Variants in FTSJ3 observed in about 807,000 individuals in gnomAD.
FTSJ3 encodes the protein pre-rRNA 2'-O-ribose RNA methyltransferase FTSJ3.
In FTSJ3, 46 loss-of-function variants were observed where a neutral mutation model predicts 111.5. The ratio of observed to expected loss-of-function variants is 0.41; its 90% CI spans 0.33 to 0.53. The LOEUF is 0.53. FTSJ3 is among the 20% of genes least tolerant of loss of function. The probability of loss-of-function intolerance (pLI) is 0.19; values close to 1 mark genes in which losing one functional copy is unlikely to be tolerated. For missense variants in FTSJ3, 1,075 were observed against 1,063.8 expected (o/e 1.01, Z -0.15); for synonymous variants, 408 against 383.0 (o/e 1.07, Z -0.76).
At position 63,826,042 on chromosome 17, in the gene FTSJ3, G is replaced by C. The variant is rs770575313; in HGVS notation, c.300+14C>G. 8 of 1,586,958 alleles carry C rather than the reference G, an allele frequency of 5.0e-6. No individual in the cohort carries two copies. In the South Asian group the frequency reaches 5.6e-5, roughly 11 times the overall value. On this transcript the variant is annotated intron_variant, in intron 5 of 20. Transcript: ENST00000427159. ...TCCGTATAAAGGGGGAAGGAAGAGAGAGACTCCTATTACCTGCCTACAACG... is the reference window on the plus strand; with the variant it reads ...TCCGTATAAAGGGGGAAGGAAGAGACAGACTCCTATTACCTGCCTACAACG...
rs563310643 is a variant in FTSJ3 at position 63,819,765 on chromosome 17, T to A, written c.*37A>T. 1 of 1,577,338 alleles carries A rather than the reference T, an allele frequency of 6.3e-7. No homozygotes were observed. The highest frequency in any genetic ancestry group is 1.2e-5 in the South Asian group (1 of 86,008). On this transcript the variant is annotated 3_prime_UTR_variant, in exon 21 of 21. Coordinates refer to ENST00000427159, the MANE Select transcript of FTSJ3 (RefSeq NM_017647.4). ...CTGAGCCATGCCACACCCTTCCTCC[T>A]AGTCCCCATGCTCTCCTGGGAGCCT...
In FTSJ3 at chr17:63,821,723, C is replaced by G. The variant is rs1237101186; in HGVS notation, c.1596G>C (p.Lys532Asn). 1 of 1,614,114 alleles carries G rather than the reference C, an allele frequency of 6.2e-7. No individual in the cohort carries two copies. Among genetic ancestry groups the G allele is most frequent in the Non-Finnish European group, 8.5e-7 (1 of 1,180,046 alleles). Residue 532 changes from lysine to asparagine, a missense_variant and splice_region_variant, in exon 15 of 21, where the codon AAG becomes AAC. This residue lies in a region of FTSJ3 where 867 missense variants were observed against 796.9 expected (regional missense o/e 1.09). Coordinates refer to ENST00000427159, the MANE Select transcript of FTSJ3 (RefSeq NM_017647.4). ...AGTCTTGCCCCCGGCCTCTCCTTACCTTTGAGAACCACAGGTTGGCTTGTT... is the reference window on the plus strand; with the variant it reads ...AGTCTTGCCCCCGGCCTCTCCTTACGTTTGAGAACCACAGGTTGGCTTGTT... ...QEEQANLWFS[K>N]GSFAGIEDDA...
intron 7 of FTSJ3, 21 bp downstream of exon 7, chr17:63,825,221 G>A (rs1567754012): frequency 1.2e-6 from 2 of 1,614,078 alleles, no homozygotes; most frequent in East Asian, 4.5e-5. Flanking sequence ...CCTGGATCAA[G>A]AGAAAGGAAA....
chr17:63,820,281 C>G lies in FTSJ3; in HGVS notation c.2230G>C (p.Glu744Gln). Residue 744 changes from glutamate to glutamine, a missense_variant, in exon 19 of 21, where the codon GAG becomes CAG. By Grantham distance (29) the Glu-to-Gln change is conservative (BLOSUM62 2). Coordinates refer to ENST00000427159, the MANE Select transcript of FTSJ3 (RefSeq NM_017647.4). ...CTCCTTTTCTTTCTAGCCTTAGCCT[C>G]AGCCACCTTCTTGATGGGACGTGCA... ...INARPIKKVA[E>Q]AKARKKRRML... is the part of the protein sequence containing the mutation. 6.2e-7 allele frequency: 1 copy of G among 1,607,450 alleles called. No individual in the cohort carries two copies. The highest frequency in any genetic ancestry group is 8.5e-7 in the Non-Finnish European group (1 of 1,176,974).
Position 63,822,058 on chromosome 17 carries a change from T to G in FTSJ3, c.1401A>C (p.Thr467=), listed in dbSNP as rs2040056972. The G allele has an allele frequency of 6.2e-7, 1 of 1,614,218 alleles. No homozygotes were observed. The change falls in exon 14 of 21, where the codon ACA becomes ACC. Residue 467 remains threonine (T), a synonymous_variant. Transcript: ENST00000427159. The part of the protein sequence containing the change: ...VSDVEDDGDD[T]SLDSDLDPEE... Reference sequence around the variant, plus strand: ...CTGGATCCAGGTCACTATCCAGAGATGTGTCATCACCGTCGTCCTCAACAT... The same window carrying G: ...CTGGATCCAGGTCACTATCCAGAGAGGTGTCATCACCGTCGTCCTCAACAT...
chr17:63,824,682 C>T lies in FTSJ3; in HGVS notation c.872G>A (p.Arg291Gln), dbSNP rs143751811. 83 of 1,614,186 alleles carry T rather than the reference C, an allele frequency of 5.1e-5. No homozygotes were observed. The African/African-American group carries it at 8.7e-4, about 17-fold the overall frequency. The change falls in exon 10 of 21, where the codon CGG becomes CAG. Residue 291 changes from arginine (R) to glutamine (Q), a missense_variant. By Grantham distance (43) the Arg-to-Gln change is conservative. Transcript: ENST00000427159. ...AQHPATTEDI[R>Q]VCCQDIRVLG... is the part of the protein sequence containing the mutation. ...CACTCTGATGTCCTGACAGCACACC[C>T]GTATGTCCTCAGTGGTAGCTGGATG...
rs1240949270 is a variant in FTSJ3, at chr17:63,821,477, T to G, written c.1763A>C (p.Gln588Pro). ...CTCTGTTCCCTTAGGGGCTTCATCT[T>G]GGTACAGGGGAGACATTATCTCAGT... The part of the protein sequence containing the change: ...LKTEIMSPLY[Q>P]DEAPKGTEAS... The change falls in exon 16 of 21, where the codon CAA becomes CCA. Residue 588 changes from glutamine to proline, a missense_variant. Gln to Pro is a moderately conservative substitution (Grantham distance 76, BLOSUM62 -1). Coordinates refer to ENST00000427159, the MANE Select transcript of FTSJ3 (RefSeq NM_017647.4). 2.5e-6 allele frequency: 4 copies of G among 1,614,198 alleles called. No homozygotes were observed. Among genetic ancestry groups the G allele is most frequent in the Non-Finnish European group, 3.4e-6 (4 of 1,180,040 alleles).
rs763952348 is a variant in FTSJ3 at position 63,821,863 on chromosome 17, T to G, written c.1476-20A>C. 4 of 1,613,920 alleles carry G rather than the reference T, an allele frequency of 2.5e-6. No individual in the cohort carries two copies. The highest frequency in any genetic ancestry group is 3.4e-6 in the Non-Finnish European group (4 of 1,180,026). ...CGCATACTGTAGACCCAAAGGAAAG[T>G]AGGGGGCTCAGAGACCCAGATTGCC... On this transcript the variant is annotated intron_variant, in intron 14 of 20. Transcript: ENST00000427159.
At chr17:63,824,991 G>A in intron 8 of FTSJ3, 57 bp downstream of exon 8, 2 of 1,588,274 alleles carry the variant, frequency 1.3e-6, no homozygotes, top group Non-Finnish European at 1.7e-6. Context: ...GGACCCACCA[G>A]GCCCAACCTC....
At chr17:63,826,345 T>C (rs2040103557) in intron 3 of FTSJ3, 41 bp from the exon 4 acceptor site, 5 of 1,595,020 alleles carry the variant, frequency 3.1e-6, no homozygotes, top group South Asian at 2.2e-5. Flanking sequence ...GAGCCATCCT[T>C]TTCCCCCTCT....
rs2040034022 is a variant in FTSJ3, at chr17:63,820,142, T to A, written c.2288A>T (p.Lys763Met). Residue 763 changes from lysine (K) to methionine (M), a missense_variant, in exon 20 of 21, where the codon AAG becomes ATG. This residue lies in a region of FTSJ3 where 867 missense variants were observed against 796.9 expected (regional missense o/e 1.09). Transcript: ENST00000427159. The part of the protein sequence containing the change: ...MLKRLEQTRK[K>M]AEAVVNTVDI... ...CACTGTGTTCACCACGGCTTCTGCC[T>A]TCTTCCTGGTCTGCTCCAGCCTCTT... is the stretch of plus-strand genomic sequence containing the variant. The A allele has an allele frequency of 6.2e-7, 1 of 1,614,196 alleles. No individual in the cohort carries two copies. The highest frequency in any genetic ancestry group is 1.3e-5 in the African/African-American group (1 of 75,042).
chr17:63,825,090 C>T lies in FTSJ3; in HGVS notation c.669G>A (p.Gln223=), dbSNP rs748463151. The T allele has an allele frequency of 5.6e-6, 9 of 1,614,188 alleles. No individual in the cohort carries two copies. The South Asian group carries it at 9.9e-5, about 18-fold the overall frequency. ...PKFAFKEVEV[Q]AKTVTELVTK... ...TAACCAATTCAGTAACGGTCTTAGC[C>T]TGAACTTCAACCTCCTTAAAGGCAA... Residue 223 remains glutamine, a synonymous_variant, in exon 8 of 21, where the codon CAG becomes CAA. Transcript: ENST00000427159.
At chr17:63,824,612 C>T (rs1438490212) in intron 10 of FTSJ3, 25 bp downstream of exon 10, 1 of 1,579,994 alleles carries the variant, frequency 6.3e-7, no homozygotes, top group South Asian at 1.1e-5. Flanking sequence ...GGGCTCCTGG[C>T]CCCCGTGCCT....
Position 63,821,795 on chromosome 17 carries a change from C to G in FTSJ3, c.1524G>C (p.Glu508Asp), listed in dbSNP as rs756734364. Residue 508 changes from glutamate to aspartate, a missense_variant, in exon 15 of 21, where the codon GAG becomes GAC. Physicochemically the swap from Glu to Asp is conservative, Grantham distance 45. Transcript: ENST00000427159. ...VQDDKEEEEE[E>D]NPLLVPLEEK... ...CCTCCAGTGGTACCAGCAGTGGATT[C>G]TCCTCCTCCTCCTCCTCTTTATCAT... The G allele has an allele frequency of 6.2e-7, 1 of 1,604,864 alleles. No homozygotes were observed. The highest frequency in any genetic ancestry group is 8.5e-7 in the Non-Finnish European group (1 of 1,172,328).
Position 63,819,780 on chromosome 17 carries a change from C to A in FTSJ3, c.*22G>T. On this transcript the variant is annotated 3_prime_UTR_variant, in exon 21 of 21. Coordinates refer to ENST00000427159, the MANE Select transcript of FTSJ3 (RefSeq NM_017647.4). ...CCCTTCCTCCTAGTCCCCATGCTCT[C>A]CTGGGAGCCTGGCAGCTCTGCTTAC... 1.3e-6 allele frequency: 2 copies of A among 1,599,528 alleles called. No homozygotes were observed. Among genetic ancestry groups the A allele is most frequent in the Non-Finnish European group, 1.7e-6 (2 of 1,171,944 alleles).
rs1245839639 is a variant in FTSJ3, at chr17:63,825,739, G to A, written c.301-104C>T. 8.8e-6 allele frequency: 8 copies of A among 908,916 alleles called. No individual in the cohort carries two copies. In the Admixed American group the frequency reaches 1.2e-4, roughly 14 times the overall value. The allele number at this position is 908,916 out of a possible 1,614,324, so 56.3% of individuals were successfully genotyped here. On this transcript the variant is annotated intron_variant, in intron 5 of 20. Coordinates refer to ENST00000427159, the MANE Select transcript of FTSJ3 (RefSeq NM_017647.4). ...GCTGAGTGCCCATCATGGGCCAAAT[G>A]CAGTACCAGGCACAGGAGATACAAT...
chr17:63,822,683 G>C (rs1174043995), intron 13 of FTSJ3, among the ~76,000 whole-genome samples: 1 of 152,152 alleles, frequency 6.6e-6, no homozygotes, highest in Non-Finnish European at 1.5e-5. Flanking sequence ...TCAGCATTTT[G>C]GGAGGCTGAG....
rs2144604682 is a variant in FTSJ3, at chr17:63,821,986, C to T, written c.1473G>A (p.Lys491=). 2 of 1,614,090 alleles carry T rather than the reference C, an allele frequency of 1.2e-6. No individual in the cohort carries two copies. The highest frequency in any genetic ancestry group is 4.5e-5 in the East Asian group (2 of 44,876). Residue 491 remains lysine, a splice_region_variant and synonymous_variant, in exon 14 of 21, where the codon AAG becomes AAA. Transcript: ENST00000427159. The part of the protein sequence containing the change: ...VRGHQGLRDQ[K]RMRLTEVQDD... ...TTTGGTGCACACGTGCCCCTTACCG[C>T]TTTTGGTCCCTTAGACCCTGATGTC...
intron 2 of FTSJ3, 42 bp from the exon 3 acceptor site, chr17:63,826,714 G>C: frequency 6.3e-7 from 1 of 1,575,178 alleles, no homozygotes; most frequent in Non-Finnish European, 8.7e-7. Flanking sequence ...TCACTAGTAG[G>C]ATTTCTCCGG....
Sources: gnomAD v4.1 joint callset for allele counts (sites outside exome capture counted in the v4.1 genomes callset) on GRCh38, gnomAD v4.1.1 for gene constraint, gnomAD v4.1.1 regional missense constraint, MANE v1.5 for transcripts, NCBI Gene and HGNC (gene_info 2026-07-23, HGNC 2026-07-21) for gene names.